BTBD9: variants seen among roughly 807,000 people sequenced by gnomAD.
The protein encoded by BTBD9 is BTB domain containing 9, also known as BTB/POZ domain-containing protein 9.
In BTBD9, 49 loss-of-function variants were observed where a neutral mutation model predicts 64.3. The observed-to-expected ratio is 0.76, with a 90% CI of 0.61 to 0.97. BTBD9 has a LOEUF of 0.97. Ranked by LOEUF, BTBD9 falls within the 50% of genes least tolerant of loss-of-function variation. The pLI is 0.00. For synonymous variants in BTBD9, 260 were observed against 274.7 expected (o/e 0.95, Z 0.53); for missense variants, 598 against 762.1 (o/e 0.78, Z 2.53).
chr6:38,281,305 A>G (rs1046542243), intron 8 of BTBD9, among the ~76,000 whole-genome samples: 3 of 152,220 alleles, frequency 2.0e-5, no homozygotes, highest in African/African-American at 4.8e-5. Context: ...CAAACTGAAT[A>G]GATAATCTAG....
chr6:38,619,862 G>T (rs1777927352), intron 1 of BTBD9, among the ~76,000 whole-genome samples: 1 of 152,154 alleles, frequency 6.6e-6, no homozygotes, highest in Non-Finnish European at 1.5e-5. Flanking sequence ...TTCTTGTTAT[G>T]CCTGAAAGTC....
In BTBD9 at chr6:38,593,992, G is replaced by T. The variant is rs1776927657; in HGVS notation, c.521C>A (p.Ser174Ter). Residue 174 changes from serine to a stop codon, truncating the protein, a stop_gained, in exon 3 of 11, where the codon TCA becomes TAA. Coordinates refer to ENST00000481247, the MANE Select transcript of BTBD9 (RefSeq NM_001099272.2). LOFTEE classifies it high-confidence loss of function. ...FMDRNAQEVL[S>*]SEGFLSLSKT... is the part of the protein sequence containing the mutation. ...AGAAAGGGAGAGGAAACCTTCACTT[G>T]AGAGGACTTCCTGAGCATTCCTATC... 6.2e-7 allele frequency: 1 copy of T among 1,613,644 alleles called. No homozygotes were observed. The highest frequency in any genetic ancestry group is 1.1e-5 in the South Asian group (1 of 90,870).
chr6:38,592,929 T>C, intron 3 of BTBD9, 89 bp from the exon 4 acceptor site: 1 of 1,345,808 alleles, frequency 7.4e-7, no homozygotes, highest in Non-Finnish European at 1.0e-6. Flanking sequence ...CAAGTATAAC[T>C]TAGCCAATTA....
At chr6:38,256,021 A>T (rs758728128) in intron 9 of BTBD9, among the ~76,000 whole-genome samples, 39 of 151,956 alleles carry the variant, frequency 2.6e-4, no homozygotes, top group Non-Finnish European at 5.0e-4. Flanking sequence ...ATACCTATGT[A>T]TCAAACCTGC....
chr6:38,632,454 G>A (rs1244946448), intron 1 of BTBD9, among the ~76,000 whole-genome samples: 1 of 152,166 alleles, frequency 6.6e-6, no homozygotes, highest in East Asian at 1.9e-4. Flanking sequence ...CCTAAGTGGA[G>A]GAAATAAGTA....
At chr6:38,546,691 C>T (rs7756439) in intron 6 of BTBD9, among the ~76,000 whole-genome samples, 2,015 of 152,244 alleles carry the variant, frequency 0.013, 40 homozygotes, top group African/African-American at 0.046. Flanking sequence ...TGTTTTGAGA[C>T]GGAGTCTCGC....
At chr6:38,311,631 T>C (rs1043758011) in intron 7 of BTBD9, among the ~76,000 whole-genome samples, 3 of 152,308 alleles carry the variant, frequency 2.0e-5, no homozygotes, top group Admixed American at 1.3e-4. Context: ...GGTAGCTCTA[T>C]TTTTAGTTTT....
intron 6 of BTBD9, among the ~76,000 whole-genome samples, chr6:38,472,313 C>G (rs925048193): frequency 6.6e-6 from 1 of 152,122 alleles, no homozygotes; most frequent in African/African-American, 2.4e-5. Context: ...CTATTAGTAA[C>G]AAACTTCTAC....
chr6:38,432,705 C>T (rs1768499622), intron 6 of BTBD9, among the ~76,000 whole-genome samples: 1 of 151,902 alleles, frequency 6.6e-6, no homozygotes, highest in South Asian at 2.1e-4. Context: ...TCAACAGGTC[C>T]TGTGGCACAC....
rs906769547 is a variant in BTBD9, at chr6:38,450,922, T to C, written c.1155-105829A>G. Among the ~76,000 whole-genome samples the C allele has an allele frequency of 7.2e-5, 11 of 152,298 alleles. No homozygotes were observed. In the East Asian group the frequency reaches 2.1e-3, roughly 29 times the overall value. ...GCTTCATCTATCACTTATCCTCTAA[T>C]ATCACTGGGCTGTCCAAATAGTTTC... On this transcript the variant is annotated intron_variant, in intron 6 of 10. Coordinates refer to ENST00000481247, the MANE Select transcript of BTBD9 (RefSeq NM_001099272.2).
At chr6:38,551,827 T>C (rs1774814509) in intron 6 of BTBD9, among the ~76,000 whole-genome samples, 1 of 152,176 alleles carries the variant, frequency 6.6e-6, no homozygotes, top group South Asian at 2.1e-4. Flanking sequence ...ATTAGAAAAG[T>C]GTAAAGAGAC....
At chr6:38,628,330 T>C (rs1029441094) in intron 1 of BTBD9, among the ~76,000 whole-genome samples, 2 of 152,200 alleles carry the variant, frequency 1.3e-5, no homozygotes, top group African/African-American at 4.8e-5. Context: ...TACTAACTCC[T>C]ATAACTCTGA....
intron 6 of BTBD9, among the ~76,000 whole-genome samples, chr6:38,553,983 G>T (rs1774917665): frequency 6.6e-6 from 1 of 152,020 alleles, no homozygotes; most frequent in Admixed American, 6.5e-5. Context: ...CTATTTACTA[G>T]TTTAGCCGTC....
chr6:38,376,319 G>A (rs763010592), intron 6 of BTBD9, among the ~76,000 whole-genome samples: 2 of 152,262 alleles, frequency 1.3e-5, no homozygotes, highest in East Asian at 1.9e-4. Flanking sequence ...TAATGCTGAA[G>A]AGTATTCCAA....
At chr6:38,346,639 A>T (rs1582267742) in intron 6 of BTBD9, among the ~76,000 whole-genome samples, 1 of 152,266 alleles carries the variant, frequency 6.6e-6, no homozygotes, top group Non-Finnish European at 1.5e-5. Flanking sequence ...GGGTAGGTTC[A>T]TTCAACATAA....
At chr6:38,327,149 C>A (rs1335122787) in intron 7 of BTBD9, among the ~76,000 whole-genome samples, 1 of 151,974 alleles carries the variant, frequency 6.6e-6, no homozygotes, top group Admixed American at 6.6e-5. Context: ...AGTATATTTC[C>A]CTCTTGTAGC....
intron 6 of BTBD9, among the ~76,000 whole-genome samples, chr6:38,430,893 T>A (rs1448940447): frequency 6.6e-6 from 1 of 151,980 alleles, no homozygotes; most frequent in East Asian, 1.9e-4. Flanking sequence ...AATGGTCAGG[T>A]CTGTCCTGGT....
At position 38,222,254 on chromosome 6, in the gene BTBD9, G is replaced by GTTTTTTTTTTTTTTTTTTTTTTTTTTT. The variant is rs771737210; in HGVS notation, c.1563-29658_1563-29657insAAAAAAAAAAAAAAAAAAAAAAAAAAA. On this transcript the variant is annotated intron_variant, in intron 9 of 10. Coordinates refer to ENST00000481247, the MANE Select transcript of BTBD9 (RefSeq NM_001099272.2). Reference sequence around the variant, plus strand: ...TAAATTAGCCTTAATAATTCATTCAGTTGTTTTTTTTTTTTTTTTTTTTTT... The same window carrying GTTTTTTTTTTTTTTTTTTTTTTTTTTT: ...TAAATTAGCCTTAATAATTCATTCAGTTTTTTTTTTTTTTTTTTTTTTTTTTTTTGTTTTTTTTTTTTTTTTTTTTTT... Among the ~76,000 whole-genome samples, 10 of 96,702 alleles carry GTTTTTTTTTTTTTTTTTTTTTTTTTTT rather than the reference G, an allele frequency of 1.0e-4. 4 individuals carry two copies. Among genetic ancestry groups the GTTTTTTTTTTTTTTTTTTTTTTTTTTT allele is most frequent in the Admixed American group, 1.4e-4 (1 of 6,932 alleles). The allele number at this position is 96,702 out of a possible 152,430, so 63.4% of individuals were successfully genotyped here.
chr6:38,597,806 C>A lies in BTBD9; in HGVS notation c.185+104G>T, dbSNP rs540427967. 9 of 965,402 alleles carry A rather than the reference C, an allele frequency of 9.3e-6. No homozygotes were observed. In the African/African-American group the frequency reaches 1.2e-4, roughly 12 times the overall value. The allele number at this position is 965,402 out of a possible 1,614,324, so 59.8% of individuals were successfully genotyped here. A position where few individuals can be genotyped will look rare whatever the true frequency, so the allele number is the denominator to read the frequency against. ...TCATAGATATTGAATTGAGAGACTGCAAGACTTTGTCATTATACTTGGTTA... is the reference window on the plus strand; with the variant it reads ...TCATAGATATTGAATTGAGAGACTGAAAGACTTTGTCATTATACTTGGTTA... On this transcript the variant is annotated intron_variant, in intron 2 of 10. Coordinates refer to ENST00000481247, the MANE Select transcript of BTBD9 (RefSeq NM_001099272.2).
Sources: gnomAD v4.1 joint callset for allele counts (sites outside exome capture counted in the v4.1 genomes callset) on GRCh38, gnomAD v4.1.1 for gene constraint, MANE v1.5 for transcripts, NCBI Gene and HGNC (gene_info 2026-07-23, HGNC 2026-07-21) for gene names.